Variants in HPSE2 observed in about 807,000 individuals in gnomAD.
HPSE2 encodes inactive heparanase-2.
Under a neutral mutation model 60.5 loss-of-function variants are expected in HPSE2, and 38 were observed. The observed-to-expected ratio is 0.63, with a 90% CI of 0.48 to 0.82. HPSE2 has a LOEUF of 0.82. HPSE2 is among the 40% of genes least tolerant of loss of function. The pLI, the probability that HPSE2 is intolerant of heterozygous loss-of-function variation, is 0.00. For synonymous variants in HPSE2, 295 were observed against 293.2 expected (o/e 1.01, Z -0.06); for missense variants, 713 against 740.4 (o/e 0.96, Z 0.43).
intron 9 of HPSE2, among the ~76,000 whole-genome samples, chr10:98,596,201 A>G (rs1407692233): frequency 6.6e-6 from 1 of 152,166 alleles, no homozygotes; most frequent in African/African-American, 2.4e-5. Flanking sequence ...TGGTATTAGA[A>G]CAAATAAACT....
chr10:99,276,787 G>A, the HPSE2 span, among the ~76,000 whole-genome samples: 1 of 152,102 alleles, frequency 6.6e-6, no homozygotes, highest in Non-Finnish European at 1.5e-5. Flanking sequence ...TAGTTCTACA[G>A]AAGTACCCTA....
In HPSE2 at chr10:98,459,079, A is replaced by C. The variant is rs1940167669; in HGVS notation, c.*495T>G. Reference sequence around the variant, plus strand: ...CCTATGGAAAGAGATGTGTCAAAAAACTCAGGGCAGCAGCAAGAAAGAGGC... The same window carrying C: ...CCTATGGAAAGAGATGTGTCAAAAACCTCAGGGCAGCAGCAAGAAAGAGGC... On this transcript the variant is annotated 3_prime_UTR_variant, in exon 12 of 12. Coordinates refer to ENST00000370552, the MANE Select transcript of HPSE2 (RefSeq NM_021828.5). 1.4e-5 allele frequency: 3 copies of C among 219,662 alleles called. No individual in the cohort carries two copies. Among genetic ancestry groups the C allele is most frequent in the Admixed American group, 1.0e-4 (2 of 19,370 alleles). The allele number at this position is 219,662 out of a possible 1,614,324, so 13.6% of individuals were successfully genotyped here.
At chr10:98,558,494 G>T (rs543325404) in intron 9 of HPSE2, among the ~76,000 whole-genome samples, 3 of 152,102 alleles carry the variant, frequency 2.0e-5, no homozygotes, top group Non-Finnish European at 4.4e-5. Context: ...AATGTTGAGC[G>T]AAAAAATCCA....
chr10:99,181,954 C>T lies in HPSE2; in HGVS notation c.449-37555G>A, dbSNP rs951505757. Among the ~76,000 whole-genome samples the T allele has an allele frequency of 1.2e-4, 18 of 152,048 alleles. 1 individual carries two copies. Among genetic ancestry groups the T allele is most frequent in the Non-Finnish European group, 1.2e-4 (8 of 68,024 alleles). On this transcript the variant is annotated intron_variant, in intron 2 of 11. Transcript: ENST00000370552. The stretch of plus-strand genomic sequence containing the variant: ...ACACTTGCTCACAGAGGAAAGACCA[C>T]GTAAGACCACAATGAAAAGGCAGAG...
intron 3 of HPSE2, among the ~76,000 whole-genome samples, chr10:99,028,429 G>T (rs900432710): frequency 6.6e-6 from 1 of 151,998 alleles, no homozygotes; most frequent in Non-Finnish European, 1.5e-5. Context: ...ATTAACCAAA[G>T]AAGTGAAAGA....
intron 3 of HPSE2, among the ~76,000 whole-genome samples, chr10:98,781,096 A>G (rs1242756548): frequency 3.9e-5 from 6 of 152,090 alleles, no homozygotes; most frequent in Non-Finnish European, 7.4e-5. Flanking sequence ...ACTAGATGAC[A>G]CGATGAGCCA....
intron 3 of HPSE2, among the ~76,000 whole-genome samples, chr10:98,873,556 G>A (rs541513622): frequency 1.3e-5 from 2 of 151,916 alleles, no homozygotes; most frequent in Admixed American, 6.6e-5. Context: ...TTTATGCATC[G>A]AATACTGCAT....
chr10:99,031,240 T>G (rs1957491584), intron 3 of HPSE2, among the ~76,000 whole-genome samples: 1 of 152,082 alleles, frequency 6.6e-6, no homozygotes, highest in Admixed American at 6.6e-5. Flanking sequence ...CCAAAACATC[T>G]CATGTACCCC....
chr10:98,841,701 T>A (rs2134693242), intron 3 of HPSE2, among the ~76,000 whole-genome samples: 1 of 152,340 alleles, frequency 6.6e-6, no homozygotes, highest in East Asian at 1.9e-4. Context: ...ATAATTTTAC[T>A]GTATATGCTA....
At position 99,047,520 on chromosome 10, in the gene HPSE2, C is replaced by T. The variant is rs1589571900; in HGVS notation, c.610+96718G>A. The T allele has an allele frequency of 1.8e-5, 8 of 442,428 alleles. No individual in the cohort carries two copies. The East Asian group carries it at 3.1e-4, about 17-fold the overall frequency. The allele number at this position is 442,428 out of a possible 1,614,324, so 27.4% of individuals were successfully genotyped here. A position where few individuals can be genotyped will look rare whatever the true frequency, so the allele number is the denominator to read the frequency against. On this transcript the variant is annotated intron_variant, in intron 3 of 11. Transcript: ENST00000370552. Reference sequence around the variant, plus strand: ...TTCTGCACAGCAAAAGAAACTATTACTAAAGAGACAACCTACACGATAGGA... The same window carrying T: ...TTCTGCACAGCAAAAGAAACTATTATTAAAGAGACAACCTACACGATAGGA...
rs562713605 is a variant in HPSE2, at chr10:98,697,011, T to C, written c.957-3064A>G. On this transcript the variant is annotated intron_variant, in intron 5 of 11. Transcript: ENST00000370552. ...ATCCAAGGGTCAGCAGCCTCAAAGA[T>C]TGATAGTAGACAAACTCATGAAGAT... Among the ~76,000 whole-genome samples the C allele has an allele frequency of 9.9e-4, 151 of 151,858 alleles. No individual in the cohort carries two copies. The Middle Eastern group carries it at 0.01, about 10-fold the overall frequency.
At chr10:99,099,902 CA>C (rs1843881034) in intron 3 of HPSE2, among the ~76,000 whole-genome samples, 2 of 152,192 alleles carry the variant, frequency 1.3e-5, no homozygotes, top group Non-Finnish European at 2.9e-5. Context: ...GGACCTCCAG[CA>C]AACTCCAGCA....
chr10:98,537,571 C>A (rs1943322644), intron 9 of HPSE2, among the ~76,000 whole-genome samples: 1 of 152,172 alleles, frequency 6.6e-6, no homozygotes. Context: ...GGTATAGGGT[C>A]AGGTGCTGAA....
intron 3 of HPSE2, among the ~76,000 whole-genome samples, chr10:99,025,968 A>G (rs1384428772): frequency 6.6e-6 from 1 of 152,106 alleles, no homozygotes; most frequent in Non-Finnish European, 1.5e-5. Flanking sequence ...AAAACGTACA[A>G]TGGATACAAA....
At chr10:98,872,820 ACT>A (rs1309772377) in intron 3 of HPSE2, among the ~76,000 whole-genome samples, 6 of 152,124 alleles carry the variant, frequency 3.9e-5, no homozygotes, top group Admixed American at 6.6e-5. Context: ...TTCATCACTG[ACT>A]CTCAGTAACT....
At chr10:98,816,194 T>A (rs1589873956) in intron 3 of HPSE2, among the ~76,000 whole-genome samples, 1 of 152,040 alleles carries the variant, frequency 6.6e-6, no homozygotes, top group Non-Finnish European at 1.5e-5. Context: ...TAAAATAATT[T>A]AAAAAAAGAT....
At chr10:98,850,198 A>T (rs1565208747) in intron 3 of HPSE2, among the ~76,000 whole-genome samples, 4 of 152,140 alleles carry the variant, frequency 2.6e-5, no homozygotes, top group Admixed American at 1.3e-4. Context: ...TTTTCTGATT[A>T]AAAAAAGGCC....
intron 3 of HPSE2, among the ~76,000 whole-genome samples, chr10:99,056,697 A>G (rs564874125): frequency 5.3e-5 from 8 of 152,312 alleles, no homozygotes; most frequent in Middle Eastern, 3.4e-3. Flanking sequence ...GAAGAAAACA[A>G]AGGAGAAAAA....
chr10:98,555,172 A>T (rs1012633172), intron 9 of HPSE2, among the ~76,000 whole-genome samples: 3 of 152,170 alleles, frequency 2.0e-5, no homozygotes, highest in Non-Finnish European at 4.4e-5. Context: ...TCTCTGGGGA[A>T]GTTATGCCCC....
Sources: allele counts gnomAD v4.1 joint callset (sites outside exome capture counted in the v4.1 genomes callset), GRCh38; gene constraint gnomAD v4.1.1; transcripts MANE v1.5; gene names NCBI Gene and HGNC (gene_info 2026-07-23, HGNC 2026-07-21).